FUT8: variants seen among roughly 807,000 people sequenced by gnomAD.
FUT8 encodes the protein alpha-(1,6)-fucosyltransferase.
In FUT8, 29 loss-of-function variants were observed where a neutral mutation model predicts 71.3. That is an observed-to-expected ratio of 0.41 (90% confidence interval 0.30 to 0.55). The LOEUF (loss-of-function observed/expected upper bound fraction) is 0.55, where lower values mean the gene tolerates loss of function less well. Ranked by LOEUF, FUT8 falls within the 20% of genes least tolerant of loss-of-function variation. FUT8 has a pLI of 0.34. For synonymous variants in FUT8, 254 were observed against 239.3 expected, an observed-to-expected ratio of 1.06 and a Z score of -0.57; for missense variants, 544 against 702.1, an observed-to-expected ratio of 0.77 and a Z score of 2.55.
intron 7 of FUT8, among the ~76,000 whole-genome samples, chr14:65,704,589 A>G (rs1461679210): frequency 3.2e-4 from 48 of 152,212 alleles, no homozygotes; most frequent in Non-Finnish European, 1.5e-5. Flanking sequence ...ACGTCTAGCC[A>G]TGGACTCATA....
At chr14:65,523,418 G>T (rs1026437704) in intron 2 of FUT8, among the ~76,000 whole-genome samples, 1 of 128,014 alleles carries the variant, frequency 7.8e-6, no homozygotes, top group South Asian at 2.3e-4. Flanking sequence ...TTTTGATGAG[G>T]TTGTTTGTTT....
chr14:65,482,654 C>T (rs2066349576), intron 2 of FUT8, among the ~76,000 whole-genome samples: 1 of 152,126 alleles, frequency 6.6e-6, no homozygotes, highest in African/African-American at 2.4e-5. Context: ...GTCACGTTAA[C>T]CCATACAACT....
intron 3 of FUT8, among the ~76,000 whole-genome samples, chr14:65,592,938 AGGCAT>A (rs1200730786): frequency 3.9e-5 from 6 of 152,202 alleles, no homozygotes; most frequent in Non-Finnish European, 7.4e-5. Context: ...GGCTGGACCA[AGGCAT>A]GTTCTATACA....
In FUT8 at chr14:65,616,196, A is replaced by C. The variant is rs768675915; in HGVS notation, c.320-15A>C. 18 of 1,600,378 alleles carry C rather than the reference A, an allele frequency of 1.1e-5. No homozygotes were observed. Among genetic ancestry groups the C allele is most frequent in the Non-Finnish European group, 1.5e-5 (18 of 1,174,062 alleles). On this transcript the variant is annotated splice_polypyrimidine_tract_variant and intron_variant, in intron 4 of 10. Coordinates refer to ENST00000673929, the MANE Select transcript of FUT8 (RefSeq NM_001371533.1). ...AATGTTGGAAATGCTACAACTCTCT[A>C]TTCTTTGACTACAGGTCTGGGGAAG...
At chr14:65,692,360 GACC>G (rs1893672037) in intron 7 of FUT8, among the ~76,000 whole-genome samples, 1 of 144,884 alleles carries the variant, frequency 6.9e-6, no homozygotes. Flanking sequence ...GCGGGGGGCT[GACC>G]CCCCCACCTC....
chr14:65,647,061 A>G (rs1891155213), intron 6 of FUT8, among the ~76,000 whole-genome samples: 1 of 152,208 alleles, frequency 6.6e-6, no homozygotes, highest in African/African-American at 2.4e-5. Context: ...CATAGCTTGT[A>G]TCACTTGAAA....
intron 3 of FUT8, among the ~76,000 whole-genome samples, chr14:65,565,582 C>G (rs1886151058): frequency 6.6e-6 from 1 of 151,766 alleles, no homozygotes; most frequent in South Asian, 2.1e-4. Context: ...AAGAAGCAAC[C>G]CAGTTCTTTT....
intron 3 of FUT8, among the ~76,000 whole-genome samples, chr14:65,597,440 A>C (rs554898214): frequency 5.9e-5 from 9 of 151,588 alleles, no homozygotes; most frequent in Non-Finnish European, 1.3e-4. Context: ...CATCCTGGCT[A>C]GTGAAACCCC....
At chr14:65,415,601 G>T (rs2065207910) in intron 1 of FUT8, among the ~76,000 whole-genome samples, 1 of 151,744 alleles carries the variant, frequency 6.6e-6, no homozygotes, top group Non-Finnish European at 1.5e-5. Context: ...TTTCAAAAAC[G>T]AAGCTTCAAG....
intron 6 of FUT8, 93 bp downstream of exon 6, chr14:65,629,699 T>C: frequency 1.2e-6 from 1 of 862,488 alleles, no homozygotes; most frequent in East Asian, 2.5e-5. Context: ...TTAGTCTTCC[T>C]GGCCCTTGAA....
chr14:65,662,526 A>C (rs73268564), intron 6 of FUT8, among the ~76,000 whole-genome samples: 2,279 of 152,326 alleles, frequency 0.015, 57 homozygotes, highest in African/African-American at 0.051. Context: ...AAAATGTTAC[A>C]TAATGTTGTT....
chr14:65,713,384 T>C (rs1594927289), intron 7 of FUT8, among the ~76,000 whole-genome samples: 1 of 152,244 alleles, frequency 6.6e-6, no homozygotes, highest in East Asian at 1.9e-4. Context: ...ATCTCTTTGA[T>C]ATACTGATTT....
At chr14:65,647,936 G>C (rs1235704643) in intron 6 of FUT8, among the ~76,000 whole-genome samples, 1 of 151,872 alleles carries the variant, frequency 6.6e-6, no homozygotes, top group Non-Finnish European at 1.5e-5. Context: ...AATGGAACAA[G>C]ACCTTGGGGT....
At chr14:65,463,377 C>T (rs1167113728) in intron 2 of FUT8, among the ~76,000 whole-genome samples, 1 of 152,092 alleles carries the variant, frequency 6.6e-6, no homozygotes, top group Non-Finnish European at 1.5e-5. Flanking sequence ...GGTGATTCTC[C>T]CACATCAGCC....
intron 3 of FUT8, among the ~76,000 whole-genome samples, chr14:65,610,883 A>G (rs1248403152): frequency 1.3e-5 from 2 of 151,910 alleles, no homozygotes; most frequent in Non-Finnish European, 1.5e-5. Context: ...ATGATTTACT[A>G]TCTACATTAC....
chr14:65,406,635 A>T (rs1226599095), upstream of FUT8, among the ~76,000 whole-genome samples: 2 of 152,168 alleles, frequency 1.3e-5, no homozygotes, highest in African/African-American at 4.8e-5. Context: ...TCCTGGGTTC[A>T]AATGATTCTC....
At chr14:65,359,257 A>G in the FUT8 span, among the ~76,000 whole-genome samples, 1 of 152,212 alleles carries the variant, frequency 6.6e-6, no homozygotes, top group Admixed American at 6.5e-5. Flanking sequence ...CCAAGGACAC[A>G]TGCTCTGCTG....
rs1883098317 is a variant in FUT8 at position 65,521,858 on chromosome 14, G to A, written c.-227-39479G>A. Among the ~76,000 whole-genome samples the A allele has an allele frequency of 3.5e-5, 5 of 142,810 alleles. No homozygotes were observed. The South Asian group carries it at 1.1e-3, about 32-fold the overall frequency. 93.7% of individuals were successfully genotyped at this position (142,810 alleles called of 152,430 possible). On this transcript the variant is annotated intron_variant, in intron 2 of 10. Transcript: ENST00000673929. ...TGGATGATGAGAAAGAATTTTGGAG[G>A]AATCTTCTTCTTTTTTTTTTTTTTT... is the stretch of plus-strand genomic sequence containing the variant.
At chr14:65,428,933 G>A (rs1286785916) in intron 1 of FUT8, among the ~76,000 whole-genome samples, 2 of 152,176 alleles carry the variant, frequency 1.3e-5, no homozygotes, top group South Asian at 2.1e-4. Flanking sequence ...CAAGAAGAAC[G>A]AAGGAAAGTG....
Sources: allele counts gnomAD v4.1 joint callset (sites outside exome capture counted in the v4.1 genomes callset), GRCh38; gene constraint gnomAD v4.1.1; transcripts MANE v1.5; gene names NCBI Gene and HGNC (gene_info 2026-07-23, HGNC 2026-07-21).